The following EPHA4 variants were observed in gnomAD, a reference collection of about 807,000 sequenced individuals.
EPHA4 encodes the protein EPH receptor A4.
EPHA4 carries 19 observed loss-of-function variants against 108.3 expected under a neutral mutation model. The observed-to-expected ratio is 0.18, with a 90% CI of 0.12 to 0.26. The LOEUF is 0.26. Ranked by LOEUF, EPHA4 falls within the 10% of genes least tolerant of loss-of-function variation. The probability of loss-of-function intolerance (pLI) is 1.00; values close to 1 mark genes in which losing one functional copy is unlikely to be tolerated. For synonymous variants in EPHA4, 449 were observed against 455.5 expected (o/e 0.99, Z 0.18); for missense variants, 917 against 1,254.0 (o/e 0.73, Z 4.06).
intron 4 of EPHA4, among the ~76,000 whole-genome samples, chr2:221,488,599 T>G (rs927938269): frequency 6.6e-6 from 1 of 152,210 alleles, no homozygotes; most frequent in Non-Finnish European, 1.5e-5. Flanking sequence ...TAATTATTAT[T>G]TTCTAGTGGG....
In EPHA4 at chr2:221,540,662, G is replaced by A. The variant is rs370595762; in HGVS notation, c.823+23069C>T. 5.9e-5 allele frequency among the ~76,000 whole-genome samples: 9 copies of A among 152,272 alleles called. No individual in the cohort carries two copies. In the East Asian group the frequency reaches 1.4e-3, roughly 23 times the overall value. The stretch of plus-strand genomic sequence containing the variant: ...TTATAAGGGACCAGGAGTTATTCCA[G>A]TCCCTGCAACTGGATAACCAGCCAG... On this transcript the variant is annotated intron_variant, in intron 3 of 17. Transcript: ENST00000281821.
intron 3 of EPHA4, among the ~76,000 whole-genome samples, chr2:221,547,184 T>C (rs749162492): frequency 1.5e-4 from 23 of 152,354 alleles, no homozygotes; most frequent in Non-Finnish European, 3.2e-4. Context: ...AATAGGTTGG[T>C]TCATTGCCAT....
intron 3 of EPHA4, 173 bp from the exon 4 acceptor site, chr2:221,501,345 G>C (rs999350943): frequency 1.9e-6 from 1 of 529,400 alleles, no homozygotes; most frequent in African/African-American, 1.9e-5. Flanking sequence ...GAGTATAGTC[G>C]CTCTTTAAGG....
chr2:221,435,427 C>A (rs1690201159), intron 13 of EPHA4, among the ~76,000 whole-genome samples: 1 of 152,056 alleles, frequency 6.6e-6, no homozygotes, highest in Non-Finnish European at 1.5e-5. Context: ...AGAGGACAAG[C>A]ATAAGAATCA....
chr2:221,500,969 A>G (rs1262945930), intron 4 of EPHA4, 48 bp downstream of exon 4: 4 of 1,495,072 alleles, frequency 2.7e-6, no homozygotes, highest in Non-Finnish European at 3.6e-6. Flanking sequence ...CTAGGTGGTA[A>G]TGAAAGCTGT....
intron 3 of EPHA4, among the ~76,000 whole-genome samples, chr2:221,552,991 T>A (rs1694204276): frequency 1.3e-5 from 2 of 152,186 alleles, no homozygotes; most frequent in African/African-American, 4.8e-5. Flanking sequence ...AAAATAAAAC[T>A]GATTGTTCAT....
chr2:221,471,991 C>T (rs1335230728), intron 5 of EPHA4, among the ~76,000 whole-genome samples: 2 of 152,088 alleles, frequency 1.3e-5, no homozygotes, highest in Non-Finnish European at 1.5e-5. Context: ...AAGAAGTTTC[C>T]TAAAACCACA....
At chr2:221,440,305 A>C (rs1046158793) in intron 11 of EPHA4, among the ~76,000 whole-genome samples, 1 of 152,242 alleles carries the variant, frequency 6.6e-6, no homozygotes. Context: ...TGGGACTTTA[A>C]TACAAAGATC....
chr2:221,559,254 T>C (rs1224015762), intron 3 of EPHA4, among the ~76,000 whole-genome samples: 1 of 152,232 alleles, frequency 6.6e-6, no homozygotes, highest in African/African-American at 2.4e-5. Context: ...TTTGTCATAG[T>C]TGTAATCATT....
chr2:221,423,640 C>T (rs1689815857), intron 17 of EPHA4, among the ~76,000 whole-genome samples: 1 of 152,026 alleles, frequency 6.6e-6, no homozygotes, highest in African/African-American at 2.4e-5. Flanking sequence ...AACAAAACAA[C>T]ACCAGCATAG....
chr2:221,551,686 T>A (rs1251535356), intron 3 of EPHA4, among the ~76,000 whole-genome samples: 5 of 152,136 alleles, frequency 3.3e-5, no homozygotes, highest in Non-Finnish European at 1.5e-5. Flanking sequence ...TTGGGCTTAT[T>A]TTAGTTAAGT....
intron 11 of EPHA4, 158 bp from the exon 12 acceptor site, chr2:221,437,280 G>A (rs62178658): frequency 0.23 from 121,722 of 537,094 alleles, 14,320 homozygotes; most frequent in Non-Finnish European, 0.25. Flanking sequence ...GGGGAGCTAG[G>A]AATGAAATAT....
At chr2:221,470,016 TAGC>T (rs1553574362) in intron 5 of EPHA4, among the ~76,000 whole-genome samples, 1 of 152,210 alleles carries the variant, frequency 6.6e-6, no homozygotes, top group Non-Finnish European at 1.5e-5. Context: ...AATTATTTTT[TAGC>T]AACTTCTATT....
Position 221,526,876 on chromosome 2 carries a change from A to G in EPHA4, c.824-25704T>C, listed in dbSNP as rs1693343788. 4.9e-5 allele frequency among the ~76,000 whole-genome samples: 4 copies of G among 81,176 alleles called. No homozygotes were observed. In the South Asian group the frequency reaches 1.4e-3, roughly 28 times the overall value. The allele number at this position is 81,176 out of a possible 152,430, so 53.3% of individuals were successfully genotyped here. On this transcript the variant is annotated intron_variant, in intron 3 of 17. Coordinates refer to ENST00000281821, the MANE Select transcript of EPHA4 (RefSeq NM_004438.5). ...TCAAAAAAAAAAAAAAAAAAAAAAA[A>G]AAAAAAAAAAAAAAAAAAAATTGAC...
intron 3 of EPHA4, among the ~76,000 whole-genome samples, chr2:221,542,829 C>T (rs1323938490): frequency 6.6e-6 from 1 of 152,130 alleles, no homozygotes; most frequent in Non-Finnish European, 1.5e-5. Context: ...TTGTTTAAAA[C>T]AAGTGTTAAA....
intron 3 of EPHA4, among the ~76,000 whole-genome samples, chr2:221,508,933 T>G (rs1692721584): frequency 6.6e-6 from 1 of 152,250 alleles, no homozygotes. Flanking sequence ...ATAACACAGT[T>G]AATTCTTACT....
chr2:221,499,715 A>ATTATATAT (rs1322169477), intron 4 of EPHA4, among the ~76,000 whole-genome samples: 24 of 48,452 alleles, frequency 5.0e-4, no homozygotes, highest in South Asian at 2.4e-3. Context: ...AACTAAAACT[A>ATTATATAT]ATATATATAT....
chr2:221,433,504 T>C (rs1477255654), intron 14 of EPHA4, among the ~76,000 whole-genome samples: 1 of 152,212 alleles, frequency 6.6e-6, no homozygotes, highest in East Asian at 1.9e-4. Context: ...TCTTTTATTT[T>C]TTTTTCTTTC....
chr2:221,564,724 C>T (rs1210117177), intron 2 of EPHA4, among the ~76,000 whole-genome samples: 1 of 151,766 alleles, frequency 6.6e-6, no homozygotes, highest in East Asian at 1.9e-4. Context: ...TTTCAAGTGG[C>T]AACAGTTCAA....
Sources: gnomAD v4.1 joint callset for allele counts (sites outside exome capture counted in the v4.1 genomes callset) on GRCh38, gnomAD v4.1.1 for gene constraint, MANE v1.5 for transcripts, NCBI Gene and HGNC (gene_info 2026-07-23, HGNC 2026-07-21) for gene names.